MUC20: variants seen among roughly 807,000 people sequenced by gnomAD.
MUC20 encodes mucin-20.
MUC20 carries 14 observed loss-of-function variants against 23.8 expected under a neutral mutation model. The observed-to-expected ratio is 0.59, with a 90% CI of 0.39 to 0.92. The LOEUF is 0.92. MUC20 is among the 40% of genes least tolerant of loss of function. MUC20 has a pLI of 0.00. For missense variants in MUC20, 375 were observed against 668.8 expected (o/e 0.56, Z 4.85); for synonymous variants, 166 against 279.3 (o/e 0.59, Z 4.04).
rs572279670 is a variant in MUC20 at position 195,727,870 on chromosome 3, C to T, written c.1969+1298C>T. Among the ~76,000 whole-genome samples the T allele has an allele frequency of 2.0e-5, 3 of 152,262 alleles. No individual in the cohort carries two copies. In the South Asian group the frequency reaches 6.2e-4, roughly 32 times the overall value. On this transcript the variant is annotated intron_variant, in intron 2 of 3. Coordinates refer to ENST00000447234, the MANE Select transcript of MUC20 (RefSeq NM_001282506.2). ...TATCTGATGCCAGGCAGTGTACCAC[C>T]AGCTTTGCATATGTTATCTGATGCC...
intron 3 of MUC20, among the ~76,000 whole-genome samples, chr3:195,732,017 T>TTTGTTTTGTTTTGTTTTGTG (rs1713443437): frequency 6.9e-6 from 1 of 145,900 alleles, no homozygotes; most frequent in Admixed American, 6.8e-5. Context: ...TTTGTTTTGT[T>TTTGTTTTGTTTTGTTTTGTG]TTCTGAGACT....
Position 195,733,543 on chromosome 3 carries a change from T to C in MUC20, c.*325T>C, listed in dbSNP as rs1713617616. 1 of 1,310,148 alleles carries C rather than the reference T, an allele frequency of 7.6e-7. No homozygotes were observed. The highest frequency in any genetic ancestry group is 2.1e-5 in the South Asian group (1 of 47,906). 81.2% of individuals were successfully genotyped at this position (1,310,148 alleles called of 1,614,324 possible). A position where few individuals can be genotyped will look rare whatever the true frequency, so the allele number is the denominator to read the frequency against. ...CCATCCTGCATTAAAATTCACTCAG[T>C]GTGGCCCAGAGGCTGTCTATTGATC... On this transcript the variant is annotated 3_prime_UTR_variant, in exon 4 of 4. Coordinates refer to ENST00000447234, the MANE Select transcript of MUC20 (RefSeq NM_001282506.2).
chr3:195,730,212 C>T, intron 3 of MUC20: 1 of 161,588 alleles, frequency 6.2e-6, no homozygotes, highest in Non-Finnish European at 1.3e-5. Flanking sequence ...CTTTCTCTTT[C>T]TTTCCCTGTC....
intron 1 of MUC20, among the ~76,000 whole-genome samples, chr3:195,721,335 C>T (rs1171159779): frequency 4.6e-5 from 7 of 152,086 alleles, no homozygotes; most frequent in Non-Finnish European, 2.9e-5. Context: ...GCGTGCCTGG[C>T]GCTGCAGTAC....
Position 195,729,652 on chromosome 3 carries a change from A to G in MUC20, c.1974A>G (p.Glu658=). The change falls in exon 3 of 4, where the codon GAA becomes GAG. Residue 658 remains glutamate (E), a synonymous_variant. Transcript: ENST00000447234. Reference sequence around the variant, plus strand: ...CTTACTGTTCTCCATTTGCAGGTGAAAATGGAGGTTTCCTCCTCCTGCGGC... The same window carrying G: ...CTTACTGTTCTCCATTTGCAGGTGAGAATGGAGGTTTCCTCCTCCTGCGGC... The part of the protein sequence containing the change: ...TRPTTDVSAG[E]NGGFLLLRLS... 6.3e-7 allele frequency: 1 copy of G among 1,579,232 alleles called. No homozygotes were observed. The highest frequency in any genetic ancestry group is 8.6e-7 in the Non-Finnish European group (1 of 1,161,062).
At position 195,726,218 on chromosome 3, in the gene MUC20, G is replaced by A. The variant is rs1381059349; in HGVS notation, c.1615G>A (p.Glu539Lys). ...PLEETSALSVETPSYVKVSGA... is the reference protein window; with the variant it reads ...PLEETSALSVKTPSYVKVSGA... ...TGAAGAAACCTCAGCCCTCTCTGTT[G>A]AGACACCAAGTTACGTCAAAGTCTC... The change falls in exon 2 of 4, where the codon GAG (glutamate) becomes AAG (lysine). Residue 539 changes from glutamate to lysine, a missense_variant. Glu to Lys is a moderately conservative substitution (Grantham distance 56, BLOSUM62 1). Transcript: ENST00000447234. 1.2e-6 allele frequency: 2 copies of A among 1,613,146 alleles called. No individual in the cohort carries two copies. The highest frequency in any genetic ancestry group is 2.2e-5 in the East Asian group (1 of 44,902).
intron 3 of MUC20, chr3:195,730,099 CAAAAAAAAAAAA>C: frequency 9.6e-5 from 8 of 82,964 alleles, no homozygotes; most frequent in East Asian, 2.9e-4. Context: ...GCAGTTTATG[CAAAAAAAAAAAA>C]AAAAAAAAAA....
intron 2 of MUC20, 73 bp from the exon 3 acceptor site, chr3:195,729,575 C>T (rs1713142884): frequency 1.4e-6 from 2 of 1,422,172 alleles, no homozygotes; most frequent in African/African-American, 2.8e-5. Context: ...CTCTGCCTCC[C>T]AAAGTGCTGG....
chr3:195,733,409 T>C lies in MUC20; in HGVS notation c.*191T>C, dbSNP rs1197043748. ...GGACCCTCGCTCACATCCACCGGAG[T>C]GTATGTGTGGGGAGGGGCTTCACCT... On this transcript the variant is annotated 3_prime_UTR_variant, in exon 4 of 4. Coordinates refer to ENST00000447234, the MANE Select transcript of MUC20 (RefSeq NM_001282506.2). 6.9e-7 allele frequency: 1 copy of C among 1,447,392 alleles called. No individual in the cohort carries two copies. Among genetic ancestry groups the C allele is most frequent in the East Asian group, 2.5e-5 (1 of 39,882 alleles). The allele number at this position is 1,447,392 out of a possible 1,614,324, so 89.7% of individuals were successfully genotyped here. A position where few individuals can be genotyped will look rare whatever the true frequency, so the allele number is the denominator to read the frequency against.
chr3:195,727,473 G>C (rs2148702498), intron 2 of MUC20, among the ~76,000 whole-genome samples: 1 of 152,276 alleles, frequency 6.6e-6, no homozygotes, highest in East Asian at 1.9e-4. Context: ...GAAGTTCATT[G>C]TCAGAGGCTG....
intron 2 of MUC20, among the ~76,000 whole-genome samples, chr3:195,728,833 C>T (rs1416875426): frequency 6.6e-6 from 1 of 152,092 alleles, no homozygotes; most frequent in Non-Finnish European, 1.5e-5. Flanking sequence ...TTTATTGAGA[C>T]TAGAGAATGG....
Position 195,733,155 on chromosome 3 carries a change from C to A in MUC20, c.2067C>A (p.His689Gln). Residue 689 changes from histidine to glutamine, a missense_variant, in exon 4 of 4, where the codon CAC (histidine) becomes CAA (glutamine). His to Gln is a conservative substitution (Grantham distance 24). Around this residue, in one of 4 missense-constraint regions of MUC20, gnomAD observed 343 missense variants for 340.2 expected, o/e 1.01. Transcript: ENST00000447234. The stretch of plus-strand genomic sequence containing the variant: ...CTGGCTCTTTTGCTCTCCAGCTCCA[C>A]CGGGAACTCCACGCCCACGCGCCTC... ...RVAERLMQQL[H>Q]RELHAHAPHF... 1 of 1,589,620 alleles carries A rather than the reference C, an allele frequency of 6.3e-7. No individual in the cohort carries two copies. Among genetic ancestry groups the A allele is most frequent in the Non-Finnish European group, 8.6e-7 (1 of 1,169,020 alleles).
At chr3:195,732,234 C>T (rs1054426121) in intron 3 of MUC20, among the ~76,000 whole-genome samples, 9 of 152,224 alleles carry the variant, frequency 5.9e-5, no homozygotes, top group Admixed American at 2.0e-4. Context: ...TAGTCTTGAA[C>T]TCTTGACCTC....
intron 3 of MUC20, among the ~76,000 whole-genome samples, chr3:195,732,319 GTTTTCTTTTTCT>G (rs780123781): frequency 5.3e-5 from 8 of 150,856 alleles, no homozygotes; most frequent in African/African-American, 1.7e-4. Context: ...TGGGAAGCCA[GTTTTCTTTTTCT>G]TTTTCTTTTT....
rs560630618 is a variant in MUC20 at position 195,730,233 on chromosome 3, T to G, written c.2061+494T>G. The G allele has an allele frequency of 2.9e-4, 45 of 157,864 alleles. No individual in the cohort carries two copies. The East Asian group carries it at 7.9e-3, about 28-fold the overall frequency. 9.8% of individuals were successfully genotyped at this position (157,864 alleles called of 1,614,324 possible). On this transcript the variant is annotated intron_variant, in intron 3 of 3. Transcript: ENST00000447234. ...CTTTCTTTCCCTGTCTTAGCTTTACTCCCTTCATTCTTCAGAGTCTTTCTT... is the reference window on the plus strand; with the variant it reads ...CTTTCTTTCCCTGTCTTAGCTTTACGCCCTTCATTCTTCAGAGTCTTTCTT...
chr3:195,729,999 T>C, intron 3 of MUC20: 1 of 496,460 alleles, frequency 2.0e-6, no homozygotes, highest in Non-Finnish European at 3.6e-6. Flanking sequence ...CTTGGAAGCT[T>C]GGCCTTCTGG....
rs1489073835 is a variant in MUC20, at chr3:195,726,162, G to A, written c.1559G>A (p.Gly520Glu). The A allele has an allele frequency of 2.5e-6, 4 of 1,608,952 alleles. No individual in the cohort carries two copies. Among genetic ancestry groups the A allele is most frequent in the Admixed American group, 1.7e-5 (1 of 59,808 alleles). ...GCACCCGGGGCCACGACCCTCAGTG[G>A]AGCTCTGGTCACAGTTAGCAGGAAT... ...VTAPGATTLS[G>E]ALVTVSRNPL... The change falls in exon 2 of 4, where the codon GGA becomes GAA. Residue 520 changes from glycine (G) to glutamate (E), a missense_variant. Physicochemically the swap from Gly to Glu is moderately conservative, Grantham distance 98. This residue lies in a region of MUC20 where 343 missense variants were observed against 340.2 expected (regional missense o/e 1.01). Transcript: ENST00000447234.
Position 195,733,541 on chromosome 3 carries a change from AGT to A in MUC20, c.*327_*328del. The A allele has an allele frequency of 7.7e-7, 1 of 1,306,556 alleles. No individual in the cohort carries two copies. The highest frequency in any genetic ancestry group is 9.7e-7 in the Non-Finnish European group (1 of 1,029,530). The allele number at this position is 1,306,556 out of a possible 1,614,324, so 80.9% of individuals were successfully genotyped here. A position where few individuals can be genotyped will look rare whatever the true frequency, so the allele number is the denominator to read the frequency against. On this transcript the variant is annotated 3_prime_UTR_variant, in exon 4 of 4. Coordinates refer to ENST00000447234, the MANE Select transcript of MUC20 (RefSeq NM_001282506.2). Reference sequence around the variant, plus strand: ...TTCCATCCTGCATTAAAATTCACTCAGTGTGGCCCAGAGGCTGTCTATTGATC... The same window carrying A: ...TTCCATCCTGCATTAAAATTCACTCAGTGGCCCAGAGGCTGTCTATTGATC...
chr3:195,729,947 A>G (rs999595060), intron 3 of MUC20: 4 of 609,142 alleles, frequency 6.6e-6, no homozygotes, highest in Admixed American at 3.0e-5. Context: ...CTTCTCTGCA[A>G]TGTAAACATG....
Sources: allele counts gnomAD v4.1 joint callset (sites outside exome capture counted in the v4.1 genomes callset), GRCh38; gene constraint gnomAD v4.1.1; regional missense constraint gnomAD v4.1.1; transcripts MANE v1.5; gene names NCBI Gene and HGNC (gene_info 2026-07-23, HGNC 2026-07-21).